Variants in DLGAP1 observed in about 807,000 individuals in gnomAD.
The protein encoded by DLGAP1 is DLG associated protein 1.
A neutral mutation model predicts 90.8 loss-of-function variants in DLGAP1; 11 were observed. That is an observed-to-expected ratio of 0.12 (90% confidence interval 0.08 to 0.20). The LOEUF is 0.20. Among genes scored for constraint, DLGAP1 ranks in the 10% least tolerant of loss-of-function variants. The pLI is 1.00. For synonymous variants in DLGAP1, 558 were observed against 540.7 expected (o/e 1.03, Z -0.44); for missense variants, 1,050 against 1,333.8 (o/e 0.79, Z 3.31).
At chr18:4,007,741 G>C (rs947296141) in intron 2 of DLGAP1, among the ~76,000 whole-genome samples, 6 of 152,176 alleles carry the variant, frequency 3.9e-5, no homozygotes, top group African/African-American at 1.4e-4. Flanking sequence ...AAGGGAAAAT[G>C]TGTGTGTGTG....
intron 7 of DLGAP1, among the ~76,000 whole-genome samples, chr18:3,633,761 C>T (rs573778150): frequency 6.6e-6 from 1 of 152,264 alleles, no homozygotes; most frequent in East Asian, 1.9e-4. Flanking sequence ...CATGTATACA[C>T]TTTTATTATA....
chr18:4,118,070 C>T (rs540295661), intron 2 of DLGAP1, among the ~76,000 whole-genome samples: 50 of 152,208 alleles, frequency 3.3e-4, no homozygotes, highest in African/African-American at 1.1e-3. Flanking sequence ...TACCCTGTTA[C>T]ACTTCTGATT....
At chr18:3,949,600 T>C (rs1370047625) in intron 3 of DLGAP1, among the ~76,000 whole-genome samples, 2 of 152,180 alleles carry the variant, frequency 1.3e-5, no homozygotes, top group East Asian at 1.9e-4. Flanking sequence ...TATTTTACTA[T>C]AGGAAATTTC....
At chr18:3,939,513 C>A (rs1010299685) in intron 3 of DLGAP1, among the ~76,000 whole-genome samples, 1 of 143,690 alleles carries the variant, frequency 7.0e-6, no homozygotes, top group Non-Finnish European at 1.5e-5. Context: ...AACAAAAAAA[C>A]AAGTGGCATA....
chr18:4,310,940 C>T (rs896524336), intron 1 of DLGAP1, among the ~76,000 whole-genome samples: 2 of 152,176 alleles, frequency 1.3e-5, no homozygotes, highest in Non-Finnish European at 2.9e-5. Context: ...AGGTGCCTTA[C>T]AGAACACCTT....
At chr18:3,981,502 T>C (rs1282840623) in intron 3 of DLGAP1, among the ~76,000 whole-genome samples, 2 of 152,108 alleles carry the variant, frequency 1.3e-5, no homozygotes, top group Non-Finnish European at 2.9e-5. Context: ...GATTTAAGGA[T>C]CTTAGAGGGA....
chr18:4,159,590 T>C (rs2076811744), intron 1 of DLGAP1, among the ~76,000 whole-genome samples: 3 of 152,314 alleles, frequency 2.0e-5, no homozygotes, highest in Admixed American at 2.0e-4. Context: ...TGAACCTGTG[T>C]TGTTCATCTG....
chr18:3,912,456 G>A (rs1412319569), intron 3 of DLGAP1, among the ~76,000 whole-genome samples: 2 of 152,102 alleles, frequency 1.3e-5, no homozygotes, highest in African/African-American at 4.8e-5. Context: ...TTATGAGATG[G>A]GAACTAGTCT....
At chr18:3,603,337 G>A (rs1369995199) in intron 7 of DLGAP1, 2 of 152,124 alleles carry the variant, frequency 1.3e-5, no homozygotes, top group African/African-American at 2.4e-5. Context: ...AAAAAAGGCG[G>A]AGGGAGAGAG....
At chr18:3,742,077 T>C (rs1445795826) in intron 6 of DLGAP1, among the ~76,000 whole-genome samples, 1 of 152,072 alleles carries the variant, frequency 6.6e-6, no homozygotes, top group Non-Finnish European at 1.5e-5. Flanking sequence ...TCCTGATCTC[T>C]AGTGAATTTC....
At chr18:3,852,185 G>A (rs1344021127) in intron 4 of DLGAP1, among the ~76,000 whole-genome samples, 1 of 152,050 alleles carries the variant, frequency 6.6e-6, no homozygotes, top group Non-Finnish European at 1.5e-5. Context: ...ATCTACTTAT[G>A]AAAAAGATAT....
intron 10 of DLGAP1, among the ~76,000 whole-genome samples, chr18:3,522,587 G>T (rs1429118890): frequency 7.9e-6 from 1 of 126,376 alleles, no homozygotes; most frequent in Admixed American, 9.8e-5. Flanking sequence ...CTGTCGCCCA[G>T]GCTGCAGTGA....
In DLGAP1 at chr18:3,517,091, C is replaced by G. The variant is rs2050888270; in HGVS notation, c.2480-8430G>C. On this transcript the variant is annotated intron_variant, in intron 10 of 12. Transcript: ENST00000315677. The surrounding 1 kb of genome is among the most constrained non-coding windows in gnomAD (Gnocchi z 4.1). ...AAACCATGCTGTGAATAGAGATACT[C>G]TCATCTAGGCTCTGTTGTTCTACTT... Among the ~76,000 whole-genome samples, 2 of 152,210 alleles carry G rather than the reference C, an allele frequency of 1.3e-5. No individual in the cohort carries two copies. The highest frequency in any genetic ancestry group is 2.9e-5 in the Non-Finnish European group (2 of 68,038).
intron 1 of DLGAP1, among the ~76,000 whole-genome samples, chr18:4,376,186 C>T (rs1244330686): frequency 6.6e-6 from 1 of 152,122 alleles, no homozygotes; most frequent in Non-Finnish European, 1.5e-5. Context: ...AGTATGTCGG[C>T]CAAGGCACCA....
intron 1 of DLGAP1, among the ~76,000 whole-genome samples, chr18:4,366,090 C>T (rs1163806100): frequency 6.6e-6 from 1 of 152,042 alleles, no homozygotes; most frequent in East Asian, 1.9e-4. Context: ...ATACTTTCAA[C>T]TGATACAGTC....
chr18:4,276,903 A>T (rs649505), intron 1 of DLGAP1, among the ~76,000 whole-genome samples: 1,702 of 152,352 alleles, frequency 0.011, 31 homozygotes, highest in African/African-American at 0.037. Flanking sequence ...GTAAGATTTT[A>T]AAAAAGTGTA....
At chr18:4,047,368 G>A (rs191629012) in intron 2 of DLGAP1, among the ~76,000 whole-genome samples, 159 of 152,324 alleles carry the variant, frequency 1.0e-3, no homozygotes, top group African/African-American at 3.5e-3. Flanking sequence ...TATTACTTGG[G>A]TAAATGTAAT....
chr18:3,915,957 CAG>C (rs543132348), intron 3 of DLGAP1, among the ~76,000 whole-genome samples: 138 of 152,192 alleles, frequency 9.1e-4, no homozygotes, highest in African/African-American at 3.0e-3. Context: ...TCAATGAAAA[CAG>C]AGAAAATTCC....
chr18:4,306,360 C>T (rs1676474), intron 1 of DLGAP1, among the ~76,000 whole-genome samples: 148,036 of 152,030 alleles, frequency 0.97, 72,195 homozygotes, highest in East Asian at 1. Context: ...ATCATACTGC[C>T]GTCCCTCCAA....
Sources: gnomAD v4.1 joint callset for allele counts (sites outside exome capture counted in the v4.1 genomes callset) on GRCh38, gnomAD v4.1.1 for gene constraint, Gnocchi (gnomAD v3.1) non-coding constraint, MANE v1.5 for transcripts, NCBI Gene and HGNC (gene_info 2026-07-23, HGNC 2026-07-21) for gene names.